ARHGAP10: variants seen among roughly 807,000 people sequenced by gnomAD.
ARHGAP10 encodes Rho GTPase activating protein 10.
A neutral mutation model predicts 108.6 loss-of-function variants in ARHGAP10; 87 were observed. That is an observed-to-expected ratio of 0.80 (90% CI 0.67 to 0.96). The LOEUF is 0.96. Ranked by LOEUF, ARHGAP10 falls within the 40% of genes least tolerant of loss-of-function variation. The pLI is 0.00. For synonymous variants in ARHGAP10, 347 were observed against 341.1 expected (o/e 1.02, Z -0.19); for missense variants, 939 against 954.5 (o/e 0.98, Z 0.21).
chr4:147,827,541 GGCCTTTGTATAGTTTAGTAA>G (rs1337676286), intron 3 of ARHGAP10, among the ~76,000 whole-genome samples: 73 of 152,228 alleles, frequency 4.8e-4, no homozygotes, highest in African/African-American at 1.7e-3. Flanking sequence ...CACAGCAGAG[GGCCTTTGTATAGTTTAGTAA>G]GCCCATACCC....
chr4:148,003,900 C>CTAAGCA, intron 18 of ARHGAP10, among the ~76,000 whole-genome samples: 2 of 152,252 alleles, frequency 1.3e-5, no homozygotes, highest in East Asian at 1.9e-4. Context: ...GAGTGTAAGC[C>CTAAGCA]TAAATCAGCA....
Position 147,847,037 on chromosome 4 carries a change from G to C in ARHGAP10, c.313-114G>C, listed in dbSNP as rs920103857. 5.1e-6 allele frequency: 4 copies of C among 782,630 alleles called. No individual in the cohort carries two copies. In the East Asian group the frequency reaches 1.1e-4, roughly 21 times the overall value. The allele number at this position is 782,630 out of a possible 1,614,324, so 48.5% of individuals were successfully genotyped here. A position where few individuals can be genotyped will look rare whatever the true frequency, so the allele number is the denominator to read the frequency against. ...TGCATTGGCAGAGTGAGATAAAGCC[G>C]TTAAATACGTTCATTTTCTTTCTGG... On this transcript the variant is annotated intron_variant, in intron 3 of 22. Coordinates refer to ENST00000336498, the MANE Select transcript of ARHGAP10 (RefSeq NM_024605.4).
chr4:148,072,487 CTA>C lies in ARHGAP10; in HGVS notation c.*407_*408del. 1 of 176,052 alleles carries C rather than the reference CTA, an allele frequency of 5.7e-6. No homozygotes were observed. The highest frequency in any genetic ancestry group is 1.2e-5 in the Non-Finnish European group (1 of 84,406). 10.9% of individuals were successfully genotyped at this position (176,052 alleles called of 1,614,324 possible). A position where few individuals can be genotyped will look rare whatever the true frequency, so the allele number is the denominator to read the frequency against. On this transcript the variant is annotated 3_prime_UTR_variant, in exon 23 of 23. Transcript: ENST00000336498. The stretch of plus-strand genomic sequence containing the variant: ...TGCTGCGATTTTAAAGGGAACTGTA[CTA>C]CTCGCAGTGATAGGTTTGCAGAGTG...
chr4:147,985,065 G>A (rs962624619), intron 18 of ARHGAP10, among the ~76,000 whole-genome samples: 2 of 152,192 alleles, frequency 1.3e-5, no homozygotes, highest in African/African-American at 4.8e-5. Context: ...ATGAGGCAGT[G>A]GAGCTGCCTA....
chr4:147,960,996 C>T (rs751886125), intron 16 of ARHGAP10, among the ~76,000 whole-genome samples: 13 of 152,152 alleles, frequency 8.5e-5, no homozygotes, highest in African/African-American at 1.4e-4. Flanking sequence ...GCTAATAGAA[C>T]GCTGCTGTGA....
chr4:147,812,104 C>T (rs1162423019), intron 1 of ARHGAP10, among the ~76,000 whole-genome samples: 2 of 152,116 alleles, frequency 1.3e-5, no homozygotes, highest in African/African-American at 2.4e-5. Context: ...AGTTGCATAG[C>T]AGGCATGCCT....
At chr4:147,745,404 G>C (rs1375894247) in intron 1 of ARHGAP10, 1 of 152,716 alleles carries the variant, frequency 6.5e-6, no homozygotes, top group Non-Finnish European at 1.5e-5. Flanking sequence ...GTTCAGGGTG[G>C]TGTGGCTGTA....
At chr4:148,046,826 A>G in intron 19 of ARHGAP10, 66 bp from the exon 20 acceptor site, 2 of 1,471,740 alleles carry the variant, frequency 1.4e-6, no homozygotes, top group Non-Finnish European at 1.9e-6. Flanking sequence ...AACACCATAT[A>G]ATTATTAGTG....
chr4:147,962,966 T>G (rs546774254), intron 16 of ARHGAP10, among the ~76,000 whole-genome samples: 1 of 152,286 alleles, frequency 6.6e-6, no homozygotes, highest in Admixed American at 6.5e-5. Flanking sequence ...TGGCCACCAC[T>G]CCTTTCATTT....
intron 13 of ARHGAP10, among the ~76,000 whole-genome samples, chr4:147,936,454 G>A (rs968717616): frequency 1.4e-5 from 2 of 147,566 alleles, no homozygotes; most frequent in East Asian, 2.0e-4. Context: ...TCAGCCTCCC[G>A]AGTAGCTGGG....
At chr4:147,889,292 C>T (rs1281745018) in intron 10 of ARHGAP10, among the ~76,000 whole-genome samples, 1 of 151,784 alleles carries the variant, frequency 6.6e-6, no homozygotes, top group Non-Finnish European at 1.5e-5. Flanking sequence ...GTACAAGGTT[C>T]GTATTGGGTA....
intron 14 of ARHGAP10, among the ~76,000 whole-genome samples, chr4:147,940,912 T>C (rs1159058697): frequency 6.6e-6 from 1 of 152,216 alleles, no homozygotes; most frequent in Admixed American, 6.5e-5. Flanking sequence ...GAGAGCCTTA[T>C]TAGAATACAT....
chr4:147,933,895 C>T (rs1422226011), intron 13 of ARHGAP10, among the ~76,000 whole-genome samples: 1 of 152,078 alleles, frequency 6.6e-6, no homozygotes, highest in Non-Finnish European at 1.5e-5. Context: ...GAGATTGTTC[C>T]CTGATTGCAG....
chr4:147,775,034 A>G (rs1440159293), intron 1 of ARHGAP10, among the ~76,000 whole-genome samples: 2 of 151,396 alleles, frequency 1.3e-5, no homozygotes, highest in East Asian at 3.9e-4. Flanking sequence ...GGAGTACTCT[A>G]CTTCTGAGTA....
chr4:147,974,177 C>T (rs1000620595), intron 18 of ARHGAP10, among the ~76,000 whole-genome samples: 2 of 152,020 alleles, frequency 1.3e-5, no homozygotes, highest in African/African-American at 4.8e-5. Flanking sequence ...TCTCTACATC[C>T]TTGCCAACAT....
chr4:147,997,596 G>C lies in ARHGAP10; in HGVS notation c.1717-25667G>C, dbSNP rs181079348. ...TGTGGAGGACAAAGATGGCCCATCA[G>C]AAGGCATCAACACAGGTATAGAACC... On this transcript the variant is annotated intron_variant, in intron 18 of 22. Coordinates refer to ENST00000336498, the MANE Select transcript of ARHGAP10 (RefSeq NM_024605.4). Among the ~76,000 whole-genome samples the C allele has an allele frequency of 3.4e-3, 521 of 152,314 alleles. 2 individuals carry two copies. Among genetic ancestry groups the C allele is most frequent in the African/African-American group, 0.012 (501 of 41,576 alleles).
At chr4:147,935,990 C>T (rs928293408) in intron 13 of ARHGAP10, among the ~76,000 whole-genome samples, 1 of 152,074 alleles carries the variant, frequency 6.6e-6, no homozygotes, top group African/African-American at 2.4e-5. Flanking sequence ...TTATTATTGC[C>T]GAAGTGACAT....
chr4:148,005,515 TTTC>T (rs1479930496), intron 18 of ARHGAP10, among the ~76,000 whole-genome samples: 2 of 152,214 alleles, frequency 1.3e-5, no homozygotes, highest in African/African-American at 4.8e-5. Flanking sequence ...CTTTTGTGGT[TTTC>T]TTCTTTGACT....
intron 3 of ARHGAP10, among the ~76,000 whole-genome samples, chr4:147,830,435 G>C (rs934906875): frequency 6.8e-6 from 1 of 147,756 alleles, no homozygotes; most frequent in Non-Finnish European, 1.5e-5. Context: ...ACGGATTTTT[G>C]TTCCAAACTA....
Sources: gnomAD v4.1 joint callset for allele counts (sites outside exome capture counted in the v4.1 genomes callset) on GRCh38, gnomAD v4.1.1 for gene constraint, MANE v1.5 for transcripts, NCBI Gene and HGNC (gene_info 2026-07-23, HGNC 2026-07-21) for gene names.